Variants in GPR153 observed in about 807,000 individuals in gnomAD.
The protein encoded by GPR153 is probable G protein-coupled receptor 153.
A neutral mutation model predicts 34.1 loss-of-function variants in GPR153; 27 were observed. The observed-to-expected ratio is 0.79, with a 90% CI of 0.58 to 1.09. The LOEUF is 1.09. GPR153 is among the 50% of genes least tolerant of loss of function. GPR153 has a pLI of 0.00. For synonymous variants in GPR153, 408 were observed against 405.4 expected, an observed-to-expected ratio of 1.01 and a Z score of -0.08; for missense variants, 848 against 860.2, an observed-to-expected ratio of 0.99 and a Z score of 0.18.
At chr1:6,256,608 G>C (rs1461141341) in intron 1 of GPR153, among the ~76,000 whole-genome samples, 1 of 151,852 alleles carries the variant, frequency 6.6e-6, no homozygotes, top group Non-Finnish European at 1.5e-5. Context: ...GACCTCAAGT[G>C]ACCTGCCCAC....
rs924200479 is a variant in GPR153 at position 6,249,694 on chromosome 1, G to A, written c.1474C>T (p.Arg492Cys). ...GGCAGCAGCGAGGCCGAGGCGGAGC[G>A]GGGGCCGGGCCCGGGGCGGCGGCGC... ...SPRRRPGPGP[R>C]SASASLLPDA... is the part of the protein sequence containing the mutation. The change falls in exon 6 of 6, where the codon CGC (arginine) becomes TGC (cysteine). Residue 492 changes from arginine (R) to cysteine (C), a missense_variant. By Grantham distance (180) the Arg-to-Cys change is radical. Coordinates refer to ENST00000377893, the MANE Select transcript of GPR153 (RefSeq NM_207370.4). The surrounding 1 kb of genome is among the most constrained non-coding windows in gnomAD (Gnocchi z 4.3). 3,303 of 1,044,024 alleles carry A rather than the reference G, an allele frequency of 3.2e-3. 7 individuals are homozygous for A. The highest frequency in any genetic ancestry group is 3.7e-3 in the Non-Finnish European group (3,180 of 869,978). 64.7% of individuals were successfully genotyped at this position (1,044,024 alleles called of 1,614,324 possible).
At position 6,251,382 on chromosome 1, in the gene GPR153, T is replaced by G. The variant is rs1481052867; in HGVS notation, c.935A>C (p.Glu312Ala). 2 of 1,613,302 alleles carry G rather than the reference T, an allele frequency of 1.2e-6. No homozygotes were observed. The highest frequency in any genetic ancestry group is 1.7e-6 in the Non-Finnish European group (2 of 1,179,740). Reference sequence around the variant, plus strand: ...GTTGGCCATGAGGGCCATGCACTTCTCCCGGACAGCTTTGAGGTCAGCCCG... The same window carrying G: ...GTTGGCCATGAGGGCCATGCACTTCGCCCGGACAGCTTTGAGGTCAGCCCG... ...RYRADLKAVR[E>A]KCMALMANDE... The change falls in exon 4 of 6, where the codon GAG becomes GCG. Residue 312 changes from glutamate to alanine, a missense_variant. Physicochemically the swap from Glu to Ala is moderately radical, Grantham distance 107. Transcript: ENST00000377893. The surrounding 1 kb of genome is among the most constrained non-coding windows in gnomAD (Gnocchi z 4.9).
At position 6,249,431 on chromosome 1, in the gene GPR153, G is replaced by A. The variant is rs1638381100; in HGVS notation, c.1737C>T (p.Gly579=). Residue 579 remains glycine (G), a synonymous_variant, in exon 6 of 6, where the codon GGC becomes GGT. Transcript: ENST00000377893. The surrounding 1 kb of genome is among the most constrained non-coding windows in gnomAD (Gnocchi z 4.3). ...WGEPGGLRAA[G]GGGSTSSFLS... ...GGAAGCTGCTGGTGCTGCCGCCGCC[G>A]CCCGCCGCGCGCAGCCCCCCGGGCT... The A allele has an allele frequency of 6.6e-6, 9 of 1,365,272 alleles. No individual in the cohort carries two copies. In the East Asian group the frequency reaches 2.2e-4, roughly 33 times the overall value. 84.6% of individuals were successfully genotyped at this position (1,365,272 alleles called of 1,614,324 possible).
Position 6,254,785 on chromosome 1 carries a change from G to T in GPR153, c.121C>A (p.Pro41Thr). 1 of 1,613,702 alleles carries T rather than the reference G, an allele frequency of 6.2e-7. No individual in the cohort carries two copies. The highest frequency in any genetic ancestry group is 1.1e-5 in the South Asian group (1 of 91,078). ...SVGAKQKKWK[P>T]LEFLLCTLAA... The stretch of plus-strand genomic sequence containing the variant: ...AGTGTACACAGCAGGAACTCCAAGG[G>T]CTTCCACTTCTTCTGCTTGGCGCCA... The change falls in exon 2 of 6, where the codon CCC becomes ACC. Residue 41 changes from proline (P) to threonine (T), a missense_variant. Transcript: ENST00000377893.
In GPR153 at chr1:6,258,633, A is replaced by T. The variant is rs531565263; in HGVS notation, c.-110+2192T>A. Among the ~76,000 whole-genome samples the T allele has an allele frequency of 2.1e-4, 32 of 152,336 alleles. No individual in the cohort carries two copies. In the South Asian group the frequency reaches 6.2e-3, roughly 30 times the overall value. Reference sequence around the variant, plus strand: ...AGACAGAGTGTGAGTAAGCGCTGTGAGCAAGAGGGCTGCAGACACCAGTGG... The same window carrying T: ...AGACAGAGTGTGAGTAAGCGCTGTGTGCAAGAGGGCTGCAGACACCAGTGG... On this transcript the variant is annotated intron_variant, in intron 1 of 5. Coordinates refer to ENST00000377893, the MANE Select transcript of GPR153 (RefSeq NM_207370.4).
In GPR153 at chr1:6,254,090, G is replaced by A; in HGVS notation, c.414C>T (p.Ser138=). 2 of 1,613,602 alleles carry A rather than the reference G, an allele frequency of 1.2e-6. No individual in the cohort carries two copies. Among genetic ancestry groups the A allele is most frequent in the Non-Finnish European group, 1.7e-6 (2 of 1,180,000 alleles). Residue 138 remains serine (S), a synonymous_variant, in exon 3 of 6, where the codon TCC becomes TCT. Transcript: ENST00000377893. The part of the protein sequence containing the change: ...VHTVMGIWMV[S]FILSALPAVG... ...CGGCAGGCAGGGCCGACAGGATGAAGGACACCATCCAGATACCCATGACTG... is the reference window on the plus strand; with the variant it reads ...CGGCAGGCAGGGCCGACAGGATGAAAGACACCATCCAGATACCCATGACTG...
At chr1:6,250,724 C>T in intron 4 of GPR153, 100 bp from the exon 5 acceptor site, 2 of 655,746 alleles carry the variant, frequency 3.0e-6, no homozygotes, top group Middle Eastern at 4.2e-4. Context: ...GATCCCCCAA[C>T]AGACATATAC....
chr1:6,257,443 G>A (rs1638590613), intron 1 of GPR153, among the ~76,000 whole-genome samples: 1 of 152,206 alleles, frequency 6.6e-6, no homozygotes, highest in Non-Finnish European at 1.5e-5. Context: ...CCGCGCTGAG[G>A]TTAAAGCCCC....
At chr1:6,258,184 C>T (rs1054700765) in intron 1 of GPR153, among the ~76,000 whole-genome samples, 1 of 152,244 alleles carries the variant, frequency 6.6e-6, no homozygotes, top group Middle Eastern at 3.4e-3. Context: ...TCTTATTACC[C>T]AGGGTGGATC....
intron 1 of GPR153, among the ~76,000 whole-genome samples, chr1:6,255,644 T>TTTTTG (rs1571242171): frequency 1.5e-5 from 1 of 67,942 alleles, no homozygotes; most frequent in Non-Finnish European, 2.8e-5. Flanking sequence ...CTGGCTACGT[T>TTTTTG]TTTTTTTTTT....
Position 6,251,860 on chromosome 1 carries a change from A to G in GPR153, c.787-330T>C, listed in dbSNP as rs1638456339. Among the ~76,000 whole-genome samples the G allele has an allele frequency of 6.6e-6, 1 of 152,164 alleles. No homozygotes were observed. Among genetic ancestry groups the G allele is most frequent in the African/African-American group, 2.4e-5 (1 of 41,428 alleles). On this transcript the variant is annotated intron_variant, in intron 3 of 5. Transcript: ENST00000377893. The surrounding 1 kb of genome is among the most constrained non-coding windows in gnomAD (Gnocchi z 4.9). ...ACCCAGGCTGGAGTGCAGTGGCTCA[A>G]TCATGGCTCACTGCAGCCTCCATCT...
At chr1:6,255,659 T>TTC (rs1195541778) in intron 1 of GPR153, among the ~76,000 whole-genome samples, 1 of 138,990 alleles carries the variant, frequency 7.2e-6, no homozygotes, top group Admixed American at 7.4e-5. Flanking sequence ...TTTTTTTTTT[T>TTC]TTTTTTTTTT....
Position 6,249,496 on chromosome 1 carries a change from C to T in GPR153, c.1672G>A (p.Ala558Thr), listed in dbSNP as rs1638384584. 2 of 1,271,594 alleles carry T rather than the reference C, an allele frequency of 1.6e-6. No homozygotes were observed. The highest frequency in any genetic ancestry group is 2.8e-5 in the South Asian group (1 of 36,196). The allele number at this position is 1,271,594 out of a possible 1,614,324, so 78.8% of individuals were successfully genotyped here. A position where few individuals can be genotyped will look rare whatever the true frequency, so the allele number is the denominator to read the frequency against. Residue 558 changes from alanine (A) to threonine (T), a missense_variant, in exon 6 of 6, where the codon GCC becomes ACC. Ala to Thr is a moderately conservative substitution (Grantham distance 58). Coordinates refer to ENST00000377893, the MANE Select transcript of GPR153 (RefSeq NM_207370.4). This position sits in a 1 kb window ranked among gnomAD's most constrained non-coding sequence, Gnocchi z 4.3. ...CTCAGGCCGGGGCGCAGAGAGCCGGCGTGCGAGTGCGCAGAGGGGCGTGGC... is the reference window on the plus strand; with the variant it reads ...CTCAGGCCGGGGCGCAGAGAGCCGGTGTGCGAGTGCGCAGAGGGGCGTGGC... The part of the protein sequence containing the change: ...PGPRPSAHSH[A>T]GSLRPGLSAS...
chr1:6,253,356 A>G (rs1314272120), intron 3 of GPR153, among the ~76,000 whole-genome samples: 2 of 152,246 alleles, frequency 1.3e-5, no homozygotes, highest in African/African-American at 4.8e-5. Flanking sequence ...AGATTGTGCC[A>G]TTGCACATCC....
In GPR153 at chr1:6,251,635, G is replaced by A. The variant is rs1638452419; in HGVS notation, c.787-105C>T. On this transcript the variant is annotated intron_variant, in intron 3 of 5. Transcript: ENST00000377893. The surrounding 1 kb of genome is among the most constrained non-coding windows in gnomAD (Gnocchi z 4.9). ...TGTGTACGGCAGGTCTGACAGGTGG[G>A]TATCTGCCAAGGAGAAGGGGCCCTT... 7.1e-6 allele frequency: 9 copies of A among 1,265,358 alleles called. No individual in the cohort carries two copies. Among genetic ancestry groups the A allele is most frequent in the Admixed American group, 2.9e-5 (1 of 34,780 alleles). 78.4% of individuals were successfully genotyped at this position (1,265,358 alleles called of 1,614,324 possible). A position where few individuals can be genotyped will look rare whatever the true frequency, so the allele number is the denominator to read the frequency against.
chr1:6,249,191 C>A lies in GPR153; in HGVS notation c.*147G>T. ...TGGGACAAGGCCAGCTGGGAGGAGC[C>A]GGAAGACAAACGCTGAGGCCAACGC... On this transcript the variant is annotated 3_prime_UTR_variant, in exon 6 of 6. Coordinates refer to ENST00000377893, the MANE Select transcript of GPR153 (RefSeq NM_207370.4). The surrounding 1 kb of genome is among the most constrained non-coding windows in gnomAD (Gnocchi z 4.3). 3 of 561,270 alleles carry A rather than the reference C, an allele frequency of 5.3e-6. No homozygotes were observed. Among genetic ancestry groups the A allele is most frequent in the Non-Finnish European group, 7.9e-6 (3 of 378,280 alleles). 34.8% of individuals were successfully genotyped at this position (561,270 alleles called of 1,614,324 possible). A position where few individuals can be genotyped will look rare whatever the true frequency, so the allele number is the denominator to read the frequency against.
At chr1:6,254,191 C>A (rs367928120) in intron 2 of GPR153, 44 bp from the exon 3 acceptor site, 1 of 1,560,172 alleles carries the variant, frequency 6.4e-7, no homozygotes, top group African/African-American at 1.4e-5. Context: ...GCGTCACCCA[C>A]AGGGCCTCCC....
Position 6,251,333 on chromosome 1 carries a change from C to T in GPR153, c.979+5G>A. On this transcript the variant is annotated splice_donor_5th_base_variant and intron_variant, in intron 4 of 5. Transcript: ENST00000377893. This position sits in a 1 kb window ranked among gnomAD's most constrained non-coding sequence, Gnocchi z 4.9. Reference sequence around the variant, plus strand: ...TCCCTGGGGCCACTCTCAGGCCATCCTCACCATCGTCTGACTCCTCGTCGT... The same window carrying T: ...TCCCTGGGGCCACTCTCAGGCCATCTTCACCATCGTCTGACTCCTCGTCGT... The T allele has an allele frequency of 6.3e-7, 1 of 1,597,326 alleles. No individual in the cohort carries two copies. Among genetic ancestry groups the T allele is most frequent in the South Asian group, 1.1e-5 (1 of 88,748 alleles).
rs1201047078 is a variant in GPR153, at chr1:6,248,203, G to A, written c.*1135C>T. On this transcript the variant is annotated 3_prime_UTR_variant, in exon 6 of 6. Transcript: ENST00000377893. Reference sequence around the variant, plus strand: ...ATGGCAATGCCCAGGCCTGTAAGGGGTCTGCCCAGGATGGAAGGCAAAGAA... The same window carrying A: ...ATGGCAATGCCCAGGCCTGTAAGGGATCTGCCCAGGATGGAAGGCAAAGAA... 3.9e-5 allele frequency: 6 copies of A among 152,406 alleles called. No homozygotes were observed. Among genetic ancestry groups the A allele is most frequent in the East Asian group, 3.9e-4 (2 of 5,184 alleles). The allele number at this position is 152,406 out of a possible 1,614,324, so 9.4% of individuals were successfully genotyped here.
Sources: gnomAD v4.1 joint callset for allele counts (sites outside exome capture counted in the v4.1 genomes callset) on GRCh38, gnomAD v4.1.1 for gene constraint, Gnocchi (gnomAD v3.1) non-coding constraint, MANE v1.5 for transcripts, NCBI Gene and HGNC (gene_info 2026-07-23, HGNC 2026-07-21) for gene names.